Variants in SVEP1 observed in about 807,000 individuals in gnomAD.
SVEP1 encodes sushi, von Willebrand factor type A, EGF and pentraxin domain containing 1, also known as sushi, von Willebrand factor type A, EGF and pentraxin domain-containing protein 1.
A neutral mutation model predicts 367.3 loss-of-function variants in SVEP1; 164 were observed. The ratio of observed to expected loss-of-function variants is 0.45; its 90% confidence interval spans 0.39 to 0.51. The LOEUF (loss-of-function observed/expected upper bound fraction) is 0.51, where lower values mean the gene tolerates loss of function less well. Among genes scored for constraint, SVEP1 ranks in the 20% least tolerant of loss-of-function variants. The pLI is 0.00. For missense variants in SVEP1, 4,117 were observed against 4,425.3 expected, an observed-to-expected ratio of 0.93 and a Z score of 1.98; for synonymous variants, 1,666 against 1,611.6, an observed-to-expected ratio of 1.03 and a Z score of -0.81.
In SVEP1 at chr9:110,526,712, A is replaced by G. The variant is rs151280084; in HGVS notation, c.965-12606T>C. On this transcript the variant is annotated intron_variant, in intron 3 of 47. Coordinates refer to ENST00000374469, the MANE Select transcript of SVEP1 (RefSeq NM_153366.4). ...TAGTGAATTAAAAACTTATGTTCAC[A>G]TTAAAACCTATACACAAATGTGTAT... Among the ~76,000 whole-genome samples the G allele has an allele frequency of 4.7e-3, 716 of 152,280 alleles. 1 individual carries two copies. The highest frequency in any genetic ancestry group is 0.016 in the African/African-American group (678 of 41,588).
chr9:110,398,938 G>A (rs1411479494), intron 40 of SVEP1, among the ~76,000 whole-genome samples: 6 of 152,164 alleles, frequency 3.9e-5, no homozygotes, highest in East Asian at 1.9e-4. Context: ...TCAGTGTGGC[G>A]ATTCTTCAGG....
At chr9:110,428,429 C>CACACACACACACACACACAA (rs60798857) in intron 35 of SVEP1, among the ~76,000 whole-genome samples, 57 of 151,224 alleles carry the variant, frequency 3.8e-4, no homozygotes, top group African/African-American at 1.3e-3. Context: ...CACACACACA[C>CACACACACACACACACACAA]CATTAATCTC....
Position 110,513,090 on chromosome 9 carries a change from G to T in SVEP1, c.1139C>A (p.Ala380Asp), listed in dbSNP as rs1399683177. 5 of 1,613,226 alleles carry T rather than the reference G, an allele frequency of 3.1e-6. No individual in the cohort carries two copies. The highest frequency in any genetic ancestry group is 4.2e-6 in the Non-Finnish European group (5 of 1,179,268). The change falls in exon 5 of 48, where the codon GCC becomes GAC. Residue 380 changes from alanine to aspartate, a missense_variant. Physicochemically the swap from Ala to Asp is moderately radical, Grantham distance 126 (BLOSUM62 -2). Transcript: ENST00000374469. ...GQTCELVHCPALKPPENGYFI... is the reference protein window; with the variant it reads ...GQTCELVHCPDLKPPENGYFI... ...GTAACCATTTTCGGGAGGCTTCAGG[G>T]CAGGGCAGTGGACAACTAACATTTA...
chr9:110,429,477 A>T (rs1588048946), intron 34 of SVEP1, 143 bp from the exon 35 acceptor site: 5 of 453,576 alleles, frequency 1.1e-5, no homozygotes, highest in Non-Finnish European at 1.4e-5. Context: ...ATGCTTTTAA[A>T]TTAATTTTTT....
intron 3 of SVEP1, 129 bp from the exon 4 acceptor site, chr9:110,514,235 G>A (rs919441385): frequency 2.5e-5 from 32 of 1,260,786 alleles, no homozygotes; most frequent in Non-Finnish European, 3.6e-5. Flanking sequence ...ATGTAGGCTG[G>A]GTGTGGTGGC....
At chr9:110,475,699 C>CA (rs1315114993) in intron 14 of SVEP1, among the ~76,000 whole-genome samples, 2 of 151,442 alleles carry the variant, frequency 1.3e-5, no homozygotes, top group African/African-American at 4.9e-5. Flanking sequence ...CCATGCCTGG[C>CA]AAAAAATAAT....
At chr9:110,393,571 C>A (rs981230566) in intron 40 of SVEP1, among the ~76,000 whole-genome samples, 4 of 152,296 alleles carry the variant, frequency 2.6e-5, no homozygotes, top group Admixed American at 6.5e-5. Context: ...TCGCCTCACC[C>A]GGGAAGCACA....
intron 23 of SVEP1, 83 bp from the exon 24 acceptor site, chr9:110,450,343 A>G: frequency 7.1e-7 from 1 of 1,398,680 alleles, no homozygotes; most frequent in East Asian, 2.3e-5. Context: ...TCCCTGGAGG[A>G]TGCTGCTTCT....
chr9:110,427,830 T>C, intron 35 of SVEP1, 72 bp from the exon 36 acceptor site: 15 of 1,506,862 alleles, frequency 1.0e-5, no homozygotes, highest in Non-Finnish European at 1.3e-5. Context: ...CAGGAAGAAC[T>C]CTGGAGAAAA....
At chr9:110,371,226 CA>C (rs1184839806) in intron 46 of SVEP1, among the ~76,000 whole-genome samples, 3 of 152,076 alleles carry the variant, frequency 2.0e-5, no homozygotes, top group Middle Eastern at 3.2e-3. Flanking sequence ...AATTGAAAAC[CA>C]ACTCCCCATA....
At chr9:110,530,152 T>C (rs893366351) in intron 3 of SVEP1, among the ~76,000 whole-genome samples, 3 of 152,190 alleles carry the variant, frequency 2.0e-5, no homozygotes, top group African/African-American at 4.8e-5. Context: ...ATGTACTGAA[T>C]CATATTTATT....
intron 22 of SVEP1, among the ~76,000 whole-genome samples, chr9:110,454,375 T>G (rs59660330): frequency 0.031 from 4,700 of 152,280 alleles, 247 homozygotes; most frequent in African/African-American, 0.11. Flanking sequence ...CCAAGTTAAT[T>G]TTTGTATATG....
intron 1 of SVEP1, among the ~76,000 whole-genome samples, chr9:110,555,049 A>G (rs1830338576): frequency 6.6e-6 from 1 of 152,110 alleles, no homozygotes; most frequent in Non-Finnish European, 1.5e-5. Context: ...CAAGTAATAA[A>G]CTTGCTTTCT....
In SVEP1 at chr9:110,468,976, C is replaced by T; in HGVS notation, c.3124G>A (p.Glu1042Lys). Residue 1042 changes from glutamate to lysine, a missense_variant, in exon 17 of 48, where the codon GAA becomes AAA. Glu to Lys is a moderately conservative substitution (Grantham distance 56). Around this residue, in one of 4 missense-constraint regions of SVEP1, gnomAD observed 2,174 missense variants for 2,494.3 expected, o/e 0.87. Transcript: ENST00000374469. ...GAGATGTTTCTTGAATGGATATATTCCGTGTACATCCCAGAGGGGCAAAGC... is the reference window on the plus strand; with the variant it reads ...GAGATGTTTCTTGAATGGATATATTTCGTGTACATCCCAGAGGGGCAAAGC... Reference protein sequence around the residue: ...CKLCPSGMYTEYIHSRNISDC... With the variant: ...CKLCPSGMYTKYIHSRNISDC... 4 of 1,613,128 alleles carry T rather than the reference C, an allele frequency of 2.5e-6. No homozygotes were observed. Among genetic ancestry groups the T allele is most frequent in the Non-Finnish European group, 3.4e-6 (4 of 1,179,416 alleles).
chr9:110,406,453 A>G lies in SVEP1; in HGVS notation c.9147T>C (p.Asp3049=), dbSNP rs1381588235. 4 of 1,614,056 alleles carry G rather than the reference A, an allele frequency of 2.5e-6. No homozygotes were observed. The highest frequency in any genetic ancestry group is 2.2e-5 in the South Asian group (2 of 91,090). Residue 3049 remains aspartate (D), a synonymous_variant, in exon 38 of 48, where the codon GAT becomes GAC. Transcript: ENST00000374469. The part of the protein sequence containing the change: ...LGLSEITCEA[D]GQWSSGFPHC... ...GGGGGAACCCAGAGCTCCACTGGCC[A>G]TCGGCTTCACAGGTGATTTCAGAAA...
chr9:110,489,248 T>G (rs1343413753), intron 9 of SVEP1, among the ~76,000 whole-genome samples: 1 of 152,150 alleles, frequency 6.6e-6, no homozygotes, highest in Non-Finnish European at 1.5e-5. Context: ...ATTGCTTTCA[T>G]AAACCTGCCC....
Position 110,465,845 on chromosome 9 carries a change from A to G in SVEP1, c.3322+20T>C, listed in dbSNP as rs187783535. On this transcript the variant is annotated intron_variant, in intron 18 of 47. Coordinates refer to ENST00000374469, the MANE Select transcript of SVEP1 (RefSeq NM_153366.4). ...ACCTAGTAGGTTTAAAGAAATATCAATGTCTAAGGCTTTGATAACCTCCAC... is the reference window on the plus strand; with the variant it reads ...ACCTAGTAGGTTTAAAGAAATATCAGTGTCTAAGGCTTTGATAACCTCCAC... The G allele has an allele frequency of 1.6e-5, 26 of 1,606,648 alleles. No homozygotes were observed. Among genetic ancestry groups the G allele is most frequent in the East Asian group, 8.9e-5 (4 of 44,732 alleles).
At chr9:110,368,007 G>A (rs1191291749) in intron 47 of SVEP1, among the ~76,000 whole-genome samples, 1 of 152,170 alleles carries the variant, frequency 6.6e-6, no homozygotes, top group Non-Finnish European at 1.5e-5. Context: ...GAACCCATGA[G>A]GTGGAGGTTG....
At chr9:110,490,881 ATGTT>A (rs1415858491) in intron 8 of SVEP1, among the ~76,000 whole-genome samples, 1 of 151,900 alleles carries the variant, frequency 6.6e-6, no homozygotes, top group African/African-American at 2.4e-5. Flanking sequence ...CTTGAATTGT[ATGTT>A]TATTTTCTTC....
Sources: gnomAD v4.1 joint callset for allele counts (sites outside exome capture counted in the v4.1 genomes callset) on GRCh38, gnomAD v4.1.1 for gene constraint, gnomAD v4.1.1 regional missense constraint, MANE v1.5 for transcripts, NCBI Gene and HGNC (gene_info 2026-07-23, HGNC 2026-07-21) for gene names.